Variants in SLBP observed in about 807,000 individuals in gnomAD.
SLBP encodes histone RNA hairpin-binding protein.
A neutral mutation model predicts 39.2 loss-of-function variants in SLBP; 29 were observed. That is an observed-to-expected ratio of 0.74 (90% CI 0.55 to 1.01). The LOEUF (loss-of-function observed/expected upper bound fraction) is 1.01. Among genes scored for constraint, SLBP ranks in the 50% least tolerant of loss-of-function variants. The pLI, the probability that SLBP is intolerant of heterozygous loss-of-function variation, is 0.00. For synonymous variants in SLBP, 129 were observed against 118.7 expected (o/e 1.09, Z -0.57); for missense variants, 390 against 350.2 (o/e 1.11, Z -0.91).
chr4:1,693,814 T>C (rs994319450), intron 7 of SLBP, 101 bp from the exon 8 acceptor site: 5 of 740,240 alleles, frequency 6.8e-6, no homozygotes, highest in African/African-American at 5.2e-5. Flanking sequence ...TGTGATGTAA[T>C]GCACAGCAAG....
Position 1,692,826 on chromosome 4 carries a change from A to G in SLBP, c.*771T>C, listed in dbSNP as rs1164796889. 1 of 152,618 alleles carries G rather than the reference A, an allele frequency of 6.6e-6. No homozygotes were observed. Among genetic ancestry groups the G allele is most frequent in the Non-Finnish European group, 1.5e-5 (1 of 68,026 alleles). The allele number at this position is 152,618 out of a possible 1,614,324, so 9.5% of individuals were successfully genotyped here. A position where few individuals can be genotyped will look rare whatever the true frequency, so the allele number is the denominator to read the frequency against. On this transcript the variant is annotated 3_prime_UTR_variant, in exon 8 of 8. Transcript: ENST00000489418. The stretch of plus-strand genomic sequence containing the variant: ...AGGGTTCTTTCCTTTTTATTTTTGC[A>G]ATATCCCATACAAAAGCAATAGAAA...
At chr4:1,701,688 C>G (rs1330431470) in intron 3 of SLBP, among the ~76,000 whole-genome samples, 5 of 152,098 alleles carry the variant, frequency 3.3e-5, no homozygotes, top group African/African-American at 1.2e-4. Context: ...GGGCAAATCA[C>G]CTGAGGTCAG....
chr4:1,709,336 G>A (rs1336956360), intron 2 of SLBP, among the ~76,000 whole-genome samples: 1 of 152,204 alleles, frequency 6.6e-6, no homozygotes, highest in Non-Finnish European at 1.5e-5. Context: ...AGCCACAAGA[G>A]GCCTCTGAGG....
rs765990878 is a variant in SLBP, at chr4:1,712,289, C to T, written c.-101G>A. On this transcript the variant is annotated 5_prime_UTR_variant, in exon 1 of 8. Transcript: ENST00000489418. ...GCAGGGCAGGGCCTGAGGCAGAAAC[C>T]CGCGTCCCCGCGCCGGCGCTCACGA... 16 of 687,042 alleles carry T rather than the reference C, an allele frequency of 2.3e-5. No homozygotes were observed. Among genetic ancestry groups the T allele is most frequent in the South Asian group, 2.0e-4 (7 of 35,094 alleles). The allele number at this position is 687,042 out of a possible 1,614,324, so 42.6% of individuals were successfully genotyped here. A position where few individuals can be genotyped will look rare whatever the true frequency, so the allele number is the denominator to read the frequency against.
chr4:1,711,054 A>T (rs1490513822), intron 2 of SLBP, among the ~76,000 whole-genome samples: 1 of 59,976 alleles, frequency 1.7e-5, no homozygotes, highest in South Asian at 8.7e-4. Context: ...CTGTCTTTAA[A>T]AAAAAAAAAA....
intron 2 of SLBP, among the ~76,000 whole-genome samples, chr4:1,709,143 A>G (rs994447310): frequency 4.0e-5 from 6 of 150,730 alleles, no homozygotes; most frequent in Non-Finnish European, 8.9e-5. Context: ...GGCTCACCGC[A>G]ACCTCCACCT....
chr4:1,694,396 C>CTT (rs35411773), intron 7 of SLBP, among the ~76,000 whole-genome samples: 2 of 136,910 alleles, frequency 1.5e-5, no homozygotes. Flanking sequence ...GGTTTTCTTT[C>CTT]TTTTTTTTTT....
intron 3 of SLBP, among the ~76,000 whole-genome samples, chr4:1,702,018 C>A (rs1716347213): frequency 6.6e-6 from 1 of 152,246 alleles, no homozygotes; most frequent in Admixed American, 6.5e-5. Context: ...CAGGCACAGA[C>A]CCATGAGATA....
Position 1,693,527 on chromosome 4 carries a change from G to GC in SLBP, c.*69dup. 1.7e-5 allele frequency: 15 copies of GC among 872,676 alleles called. No individual in the cohort carries two copies. Among genetic ancestry groups the GC allele is most frequent in the Non-Finnish European group, 2.6e-5 (13 of 508,596 alleles). The allele number at this position is 872,676 out of a possible 1,614,324, so 54.1% of individuals were successfully genotyped here. On this transcript the variant is annotated 3_prime_UTR_variant, in exon 8 of 8. Coordinates refer to ENST00000489418, the MANE Select transcript of SLBP (RefSeq NM_006527.4). Reference sequence around the variant, plus strand: ...CCACCAGGTACAAGTGCACACACATGCTTGGTGCCTGGCCAGCCTTCCACC... The same window carrying GC: ...CCACCAGGTACAAGTGCACACACATGCCTTGGTGCCTGGCCAGCCTTCCACC...
intron 2 of SLBP, among the ~76,000 whole-genome samples, chr4:1,710,515 CA>C (rs1716710132): frequency 6.6e-6 from 1 of 152,212 alleles, no homozygotes; most frequent in Admixed American, 6.5e-5. Context: ...CACGAAATTA[CA>C]GAAAGAGTCT....
Position 1,711,921 on chromosome 4 carries a change from T to A in SLBP, c.129A>T (p.Glu43Asp). ...CGCGGTGCTCTGCCTCCTCGGCGTC[T>A]TCGGGCCTCCAGCGCCTGCCGTCGG... ...RRADGRRWRP[E>D]DAEEAEHRGA... Residue 43 changes from glutamate to aspartate, a missense_variant, in exon 2 of 8, where the codon GAA (glutamate) becomes GAT (aspartate). Transcript: ENST00000489418. The A allele has an allele frequency of 7.3e-7, 1 of 1,363,460 alleles. No homozygotes were observed. The highest frequency in any genetic ancestry group is 9.5e-7 in the Non-Finnish European group (1 of 1,057,240). 84.5% of individuals were successfully genotyped at this position (1,363,460 alleles called of 1,614,324 possible).
rs1716815642 is a variant in SLBP, at chr4:1,712,276, C to A, written c.-88G>T. The A allele has an allele frequency of 1.2e-6, 1 of 847,164 alleles. No individual in the cohort carries two copies. The highest frequency in any genetic ancestry group is 1.6e-6 in the Non-Finnish European group (1 of 616,064). The allele number at this position is 847,164 out of a possible 1,614,324, so 52.5% of individuals were successfully genotyped here. On this transcript the variant is annotated 5_prime_UTR_variant, in exon 1 of 8. It adds an upstream start codon to the 5' untranslated region. Coordinates refer to ENST00000489418, the MANE Select transcript of SLBP (RefSeq NM_006527.4). ...AGCGCAGAGTAGAGCAGGGCAGGGC[C>A]TGAGGCAGAAACCCGCGTCCCCGCG...
chr4:1,711,969 C>T lies in SLBP; in HGVS notation c.81G>A (p.Trp27Ter). ...CGGCTCTGCGCTTCCGTCCCAGGCT[C>T]CATCGCGCGGGGGACGGCGGGCTGC... Reference protein sequence around the residue: ...GDASPPSPARWSLGRKRRADG... With the variant: ...GDASPPSPAR The change falls in exon 2 of 8, where the codon TGG (tryptophan) becomes TGA (stop). Residue 27 changes from tryptophan (W) to a stop codon, truncating the protein, a stop_gained. Coordinates refer to ENST00000489418, the MANE Select transcript of SLBP (RefSeq NM_006527.4). LOFTEE classifies it high-confidence loss of function. The T allele has an allele frequency of 7.6e-7, 1 of 1,309,824 alleles. No individual in the cohort carries two copies. Among genetic ancestry groups the T allele is most frequent in the Non-Finnish European group, 9.7e-7 (1 of 1,030,546 alleles). The allele number at this position is 1,309,824 out of a possible 1,614,324, so 81.1% of individuals were successfully genotyped here.
intron 2 of SLBP, among the ~76,000 whole-genome samples, chr4:1,709,756 C>T (rs555646842): frequency 3.9e-5 from 6 of 152,208 alleles, no homozygotes; most frequent in African/African-American, 7.2e-5. Flanking sequence ...GGACTACAGG[C>T]GCCCGCTACC....
intron 6 of SLBP, among the ~76,000 whole-genome samples, chr4:1,695,725 G>A (rs1230090800): frequency 6.6e-6 from 1 of 151,754 alleles, no homozygotes; most frequent in African/African-American, 2.4e-5. Flanking sequence ...AGGTTGCAGT[G>A]AGCCGGGATC....
chr4:1,711,595 C>A (rs1202116762), intron 2 of SLBP, among the ~76,000 whole-genome samples: 5 of 152,232 alleles, frequency 3.3e-5, no homozygotes, highest in Non-Finnish European at 7.3e-5. Flanking sequence ...GTCAGAGACC[C>A]TGACCTCTCC....
intron 2 of SLBP, among the ~76,000 whole-genome samples, chr4:1,709,755 G>A (rs989424972): frequency 9.9e-5 from 15 of 152,134 alleles, no homozygotes; most frequent in African/African-American, 3.4e-4. Context: ...GGGACTACAG[G>A]CGCCCGCTAC....
intron 3 of SLBP, among the ~76,000 whole-genome samples, chr4:1,703,308 C>T (rs1395379830): frequency 1.3e-5 from 2 of 151,812 alleles, no homozygotes; most frequent in Non-Finnish European, 2.9e-5. Context: ...CACCATTGTG[C>T]ACCTACTTCC....
In SLBP at chr4:1,711,934, C is replaced by A. The variant is rs1189926158; in HGVS notation, c.116G>T (p.Arg39Leu). The A allele has an allele frequency of 3.0e-6, 4 of 1,351,424 alleles. No homozygotes were observed. Among genetic ancestry groups the A allele is most frequent in the African/African-American group, 3.0e-5 (2 of 65,666 alleles). The allele number at this position is 1,351,424 out of a possible 1,614,324, so 83.7% of individuals were successfully genotyped here. ...CTCCTCGGCGTCTTCGGGCCTCCAG[C>A]GCCTGCCGTCGGCTCTGCGCTTCCG... ...LGRKRRADGR[R>L]WRPEDAEEAE... Residue 39 changes from arginine to leucine, a missense_variant, in exon 2 of 8, where the codon CGC becomes CTC. Transcript: ENST00000489418.
Sources: gnomAD v4.1 joint callset for allele counts (sites outside exome capture counted in the v4.1 genomes callset) on GRCh38, gnomAD v4.1.1 for gene constraint, MANE v1.5 for transcripts, NCBI Gene and HGNC (gene_info 2026-07-23, HGNC 2026-07-21) for gene names.